Variants in PCDHGA1 observed in about 807,000 individuals in gnomAD.
PCDHGA1 encodes protocadherin gamma subfamily A, 1.
In PCDHGA1, 32 loss-of-function variants were observed where a neutral mutation model predicts 58.0. That is an observed-to-expected ratio of 0.55 (90% confidence interval 0.42 to 0.74). The LOEUF is 0.74. Ranked by LOEUF, PCDHGA1 falls within the 30% of genes least tolerant of loss-of-function variation. The probability of loss-of-function intolerance (pLI) is 0.00; values close to 1 mark genes in which losing one functional copy is unlikely to be tolerated. For missense variants in PCDHGA1, 1,205 were observed against 1,182.3 expected (o/e 1.02, Z -0.28); for synonymous variants, 498 against 501.1 (o/e 0.99, Z 0.08).
chr5:141,395,459 T>C (rs2093235244), intron 1 of PCDHGA1: 1 of 602,046 alleles, frequency 1.7e-6, no homozygotes, highest in African/African-American at 1.9e-5. Context: ...TCAACCATTT[T>C]AAGCCTTCCA....
chr5:141,415,860 A>G (rs2095965840), intron 1 of PCDHGA1: 3 of 1,175,636 alleles, frequency 2.6e-6, no homozygotes, highest in Middle Eastern at 3.1e-4. Context: ...CTTGTAGTTT[A>G]TAGTGTTGTT....
intron 1 of PCDHGA1, chr5:141,392,937 G>A: frequency 6.2e-7 from 1 of 1,613,948 alleles, no homozygotes; most frequent in Admixed American, 1.7e-5. Context: ...GACGGACAAA[G>A]GCTCCTTCGT....
At chr5:141,495,240 C>T (rs2099759761) in intron 2 of PCDHGA1, among the ~76,000 whole-genome samples, 1 of 152,182 alleles carries the variant, frequency 6.6e-6, no homozygotes, top group South Asian at 2.1e-4. Context: ...TCCATTATGA[C>T]CTGGGGCTCA....
chr5:141,406,732 G>A (rs1190275382), intron 1 of PCDHGA1, among the ~76,000 whole-genome samples: 1 of 152,142 alleles, frequency 6.6e-6, no homozygotes, highest in Non-Finnish European at 1.5e-5. Context: ...TCTAAGACTG[G>A]ACACTGTGAA....
At chr5:141,362,631 A>G in intron 1 of PCDHGA1, 1 of 1,494,752 alleles carries the variant, frequency 6.7e-7, no homozygotes, top group Non-Finnish European at 9.0e-7. Flanking sequence ...TCCACTGCGT[A>G]TTTCTTTGTC....
At chr5:141,473,010 AAAAG>A (rs1014377988) in intron 1 of PCDHGA1, among the ~76,000 whole-genome samples, 22 of 151,958 alleles carry the variant, frequency 1.4e-4, no homozygotes, top group Admixed American at 7.9e-4. Context: ...AAGAAAAAGA[AAAAG>A]AAAGAAGGAA....
chr5:141,374,715 T>C (rs1260634763), intron 1 of PCDHGA1: 1 of 1,609,848 alleles, frequency 6.2e-7, no homozygotes, highest in Non-Finnish European at 8.5e-7. Context: ...TACCGCCTGG[T>C]CCTTACTGCC....
rs999687684 is a variant in PCDHGA1 at position 141,431,598 on chromosome 5, C to G, written c.2422-63209C>G. 1 of 1,614,074 alleles carries G rather than the reference C, an allele frequency of 6.2e-7. No individual in the cohort carries two copies. The highest frequency in any genetic ancestry group is 1.3e-5 in the African/African-American group (1 of 74,938). On this transcript the variant is annotated intron_variant, in intron 1 of 3. Transcript: ENST00000517417. This position sits in a 1 kb window ranked among gnomAD's most constrained non-coding sequence, Gnocchi z 4.8. ...GGAGTCAATGCGGAAGTGAGGTATT[C>G]CTTCCGGTATGTGGACGACAAGGCG...
intron 1 of PCDHGA1, chr5:141,389,990 C>A (rs2091998485): frequency 6.2e-7 from 1 of 1,613,926 alleles, no homozygotes; most frequent in African/African-American, 1.3e-5. Flanking sequence ...TGCTCTTCCT[C>A]GTGGCCATGA....
intron 1 of PCDHGA1, chr5:141,370,202 A>G (rs1766737926): frequency 3.7e-6 from 2 of 546,378 alleles, no homozygotes; most frequent in Non-Finnish European, 6.3e-6. Context: ...GCTGTGCAAA[A>G]TATTGGCTCC....
At chr5:141,461,507 T>C (rs1271911872) in intron 1 of PCDHGA1, among the ~76,000 whole-genome samples, 1 of 152,316 alleles carries the variant, frequency 6.6e-6, no homozygotes, top group East Asian at 1.9e-4. Context: ...TTCTTGGTGA[T>C]TTGTTAGTTC....
chr5:141,405,553 T>G, intron 1 of PCDHGA1: 1 of 619,004 alleles, frequency 1.6e-6, no homozygotes, highest in Non-Finnish European at 2.8e-6. Flanking sequence ...CCAAGTAGAG[T>G]AGCTGGGACT....
intron 1 of PCDHGA1, chr5:141,478,773 T>C (rs975950601): frequency 1.3e-6 from 2 of 1,496,766 alleles, no homozygotes; most frequent in African/African-American, 2.8e-5. Context: ...GACTCATCTG[T>C]GGACCTAATT....
chr5:141,371,367 G>A (rs778491308), intron 1 of PCDHGA1: 3 of 1,613,892 alleles, frequency 1.9e-6, no homozygotes, highest in Non-Finnish European at 1.7e-6. Flanking sequence ...AAAGGATGGT[G>A]GACATCACAC....
intron 1 of PCDHGA1, among the ~76,000 whole-genome samples, chr5:141,353,056 T>C (rs1759173544): frequency 6.6e-6 from 1 of 152,188 alleles, no homozygotes; most frequent in South Asian, 2.1e-4. Flanking sequence ...TTTGATTTTC[T>C]TTCATTGTTC....
At position 141,432,554 on chromosome 5, in the gene PCDHGA1, G is replaced by A. The variant is rs757821109; in HGVS notation, c.2422-62253G>A. The A allele has an allele frequency of 9.3e-6, 15 of 1,613,832 alleles. No homozygotes were observed. Among genetic ancestry groups the A allele is most frequent in the Non-Finnish European group, 1.3e-5 (15 of 1,180,006 alleles). On this transcript the variant is annotated intron_variant, in intron 1 of 3. Coordinates refer to ENST00000517417, the MANE Select transcript of PCDHGA1 (RefSeq NM_018912.3). The surrounding 1 kb of genome is among the most constrained non-coding windows in gnomAD (Gnocchi z 6.0). ...GGTGGTGGCGGTGGACAGAGACTCCGGCCAGAACGCCTGGCTGTCCTACCG... is the reference window on the plus strand; with the variant it reads ...GGTGGTGGCGGTGGACAGAGACTCCAGCCAGAACGCCTGGCTGTCCTACCG...
At chr5:141,376,572 A>C (rs776986338) in intron 1 of PCDHGA1, 1 of 1,600,622 alleles carries the variant, frequency 6.2e-7, no homozygotes, top group South Asian at 1.1e-5. Context: ...CTAATCAGAC[A>C]GGCTCATCAG....
chr5:141,331,965 A>G lies in PCDHGA1; in HGVS notation c.1281A>G (p.Gln427=), dbSNP rs761518692. 1.2e-6 allele frequency: 2 copies of G among 1,614,020 alleles called. No individual in the cohort carries two copies. Among genetic ancestry groups the G allele is most frequent in the Non-Finnish European group, 1.7e-6 (2 of 1,180,010 alleles). The change falls in exon 1 of 4, where the codon CAA becomes CAG. Residue 427 remains glutamine, a synonymous_variant. Coordinates refer to ENST00000517417, the MANE Select transcript of PCDHGA1 (RefSeq NM_018912.3). ...ACATCACAATAACAGCAATAGACCAAGGAACTCCAGCTCTATCTACTGAAA... is the reference window on the plus strand; with the variant it reads ...ACATCACAATAACAGCAATAGACCAGGGAACTCCAGCTCTATCTACTGAAA... ...GYNITITAID[Q]GTPALSTETH... is the part of the protein sequence containing the mutation.
At position 141,415,641 on chromosome 5, in the gene PCDHGA1, TAA is replaced by T. The variant is rs113784532; in HGVS notation, c.2422-79156_2422-79155del. On this transcript the variant is annotated intron_variant, in intron 1 of 3. Transcript: ENST00000517417. ...GTTTTATTTTCATTTTTACTTTTGT[TAA>T]AAAAAAAAAGATTGGTTTTTACTTT... is the stretch of plus-strand genomic sequence containing the variant. 3.1e-5 allele frequency: 40 copies of T among 1,280,748 alleles called. No homozygotes were observed. The African/African-American group carries it at 4.6e-4, about 15-fold the overall frequency. 79.3% of individuals were successfully genotyped at this position (1,280,748 alleles called of 1,614,324 possible).
Sources: gnomAD v4.1 joint callset for allele counts (sites outside exome capture counted in the v4.1 genomes callset) on GRCh38, gnomAD v4.1.1 for gene constraint, Gnocchi (gnomAD v3.1) non-coding constraint, MANE v1.5 for transcripts, NCBI Gene and HGNC (gene_info 2026-07-23, HGNC 2026-07-21) for gene names.